The following SCAPER variants were observed in gnomAD, a reference collection of about 807,000 sequenced individuals.
The protein encoded by SCAPER is S-phase cyclin A associated protein in the ER.
In SCAPER, 98 loss-of-function variants were observed where a neutral mutation model predicts 182.2. That is an observed-to-expected ratio of 0.54 (90% CI 0.46 to 0.64). The LOEUF (loss-of-function observed/expected upper bound fraction) is 0.64. SCAPER is among the 30% of genes least tolerant of loss of function. The probability of loss-of-function intolerance (pLI) is 0.00; values close to 1 mark genes in which losing one functional copy is unlikely to be tolerated. For missense variants in SCAPER, 1,432 were observed against 1,690.0 expected (o/e 0.85, Z 2.68); for synonymous variants, 605 against 564.6 (o/e 1.07, Z -1.01).
intron 25 of SCAPER, among the ~76,000 whole-genome samples, chr15:76,467,780 G>A (rs2049805071): frequency 6.6e-6 from 1 of 152,102 alleles, no homozygotes; most frequent in Non-Finnish European, 1.5e-5. Flanking sequence ...TGCTTCTAGA[G>A]TGATGGAACT....
chr15:76,784,407 T>C (rs10851890), intron 8 of SCAPER, among the ~76,000 whole-genome samples: 124,374 of 152,138 alleles, frequency 0.82, 51,601 homozygotes, highest in Middle Eastern at 0.91. Flanking sequence ...AATGGAAGAA[T>C]ATTCCATGCT....
chr15:76,648,320 A>G (rs1251849384), intron 21 of SCAPER, among the ~76,000 whole-genome samples: 1 of 152,142 alleles, frequency 6.6e-6, no homozygotes, highest in Non-Finnish European at 1.5e-5. Flanking sequence ...GAGACACAGT[A>G]GAAAAAAAAG....
chr15:76,770,901 T>C (rs2063430098), intron 10 of SCAPER, among the ~76,000 whole-genome samples: 1 of 152,138 alleles, frequency 6.6e-6, no homozygotes, highest in Non-Finnish European at 1.5e-5. Flanking sequence ...CATTTGTTTT[T>C]TGTATTACTA....
intron 24 of SCAPER, among the ~76,000 whole-genome samples, chr15:76,499,179 A>T (rs2040874559): frequency 6.6e-6 from 1 of 152,228 alleles, no homozygotes; most frequent in South Asian, 2.1e-4. Flanking sequence ...GGAAGTTTAA[A>T]GATAGACTAA....
Position 76,354,198 on chromosome 15 carries a change from C to T in SCAPER, c.3856-58G>A, listed in dbSNP as rs1180462504. 6.6e-7 allele frequency: 1 copy of T among 1,518,092 alleles called. No homozygotes were observed. Among genetic ancestry groups the T allele is most frequent in the East Asian group, 2.4e-5 (1 of 41,066 alleles). The allele number at this position is 1,518,092 out of a possible 1,614,324, so 94.0% of individuals were successfully genotyped here. On this transcript the variant is annotated intron_variant, in intron 29 of 31. Transcript: ENST00000563290. This position sits in a 1 kb window ranked among gnomAD's most constrained non-coding sequence, Gnocchi z 4.4. Reference sequence around the variant, plus strand: ...GAAACGCCCCAGCCTGTCCCTCACCCACCTGCACAGTGTCGGCTAGTACCA... The same window carrying T: ...GAAACGCCCCAGCCTGTCCCTCACCTACCTGCACAGTGTCGGCTAGTACCA...
At chr15:76,786,472 A>G (rs1193926065) in intron 8 of SCAPER, among the ~76,000 whole-genome samples, 1 of 152,208 alleles carries the variant, frequency 6.6e-6, no homozygotes, top group Non-Finnish European at 1.5e-5. Context: ...GCATTAAATC[A>G]TAATAGATGG....
At position 76,787,440 on chromosome 15, in the gene SCAPER, G is replaced by A. The variant is rs201465838; in HGVS notation, c.772+7840C>T. Among the ~76,000 whole-genome samples, 8 of 152,046 alleles carry A rather than the reference G, an allele frequency of 5.3e-5. No homozygotes were observed. The East Asian group carries it at 1.4e-3, about 26-fold the overall frequency. On this transcript the variant is annotated intron_variant, in intron 8 of 31. Coordinates refer to ENST00000563290, the MANE Select transcript of SCAPER (RefSeq NM_020843.4). The stretch of plus-strand genomic sequence containing the variant: ...CACTCTCTCCCCAAGGCTGGAATGC[G>A]GCGATCCTCCAGAGCAGCTGGGACC...
intron 1 of SCAPER, among the ~76,000 whole-genome samples, chr15:76,904,145 C>T (rs751486530): frequency 1.5e-4 from 23 of 152,054 alleles, no homozygotes; most frequent in Non-Finnish European, 2.6e-4. Context: ...CCAGTATAGG[C>T]CAGAGTGGGA....
At chr15:76,561,014 T>C (rs1490863298) in intron 23 of SCAPER, among the ~76,000 whole-genome samples, 1 of 152,024 alleles carries the variant, frequency 6.6e-6, no homozygotes, top group Non-Finnish European at 1.5e-5. Context: ...CACGGGCAAT[T>C]TCTCTCATTT....
intron 9 of SCAPER, among the ~76,000 whole-genome samples, chr15:76,772,696 G>T (rs1244002764): frequency 6.6e-6 from 1 of 151,874 alleles, no homozygotes; most frequent in Non-Finnish European, 1.5e-5. Context: ...AGCAAACAGT[G>T]GCTTAGGCTA....
At chr15:76,666,306 A>G (rs2056574027) in intron 20 of SCAPER, among the ~76,000 whole-genome samples, 1 of 152,198 alleles carries the variant, frequency 6.6e-6, no homozygotes, top group Non-Finnish European at 1.5e-5. Flanking sequence ...GGAAGGAAAA[A>G]GAAGGTCATC....
At chr15:76,538,237 A>C (rs2044371813) in intron 23 of SCAPER, among the ~76,000 whole-genome samples, 1 of 148,626 alleles carries the variant, frequency 6.7e-6, no homozygotes, top group Admixed American at 6.8e-5. Flanking sequence ...AAGGACTATA[A>C]ATCATGCTGC....
chr15:76,627,193 A>G (rs1413645795), intron 21 of SCAPER, among the ~76,000 whole-genome samples: 2 of 152,042 alleles, frequency 1.3e-5, no homozygotes, highest in Non-Finnish European at 2.9e-5. Context: ...TTTATTTTTT[A>G]TTAGCTGTTT....
chr15:76,815,002 T>C (rs1006369971), intron 5 of SCAPER, among the ~76,000 whole-genome samples: 1 of 151,338 alleles, frequency 6.6e-6, no homozygotes, highest in African/African-American at 2.4e-5. Flanking sequence ...CTAATAAGCA[T>C]AAGAAAAAGT....
chr15:76,833,284 A>C (rs576641395), intron 5 of SCAPER, among the ~76,000 whole-genome samples: 2 of 152,364 alleles, frequency 1.3e-5, no homozygotes, highest in East Asian at 3.9e-4. Context: ...ACTAAGCTTC[A>C]TAAGCAAAGG....
intron 22 of SCAPER, among the ~76,000 whole-genome samples, chr15:76,619,803 C>T (rs898834164): frequency 3.9e-5 from 6 of 152,088 alleles, no homozygotes; most frequent in African/African-American, 1.4e-4. Flanking sequence ...AAAGGTCGGG[C>T]ACGATGGCTC....
intron 8 of SCAPER, among the ~76,000 whole-genome samples, chr15:76,777,777 G>C (rs1386326376): frequency 1.3e-5 from 2 of 152,080 alleles, no homozygotes. Context: ...TAAAAATGGA[G>C]GTAAATACAA....
At chr15:76,878,064 T>C (rs1001198492) in intron 2 of SCAPER, among the ~76,000 whole-genome samples, 6 of 152,236 alleles carry the variant, frequency 3.9e-5, no homozygotes, top group Admixed American at 6.5e-5. Flanking sequence ...TGTGTGCAGG[T>C]AGATATGTGT....
intron 21 of SCAPER, among the ~76,000 whole-genome samples, chr15:76,645,994 C>G (rs916231954): frequency 1.3e-5 from 2 of 152,162 alleles, no homozygotes; most frequent in Non-Finnish European, 2.9e-5. Flanking sequence ...CACGGTCAGG[C>G]TCTCTGGTCA....
Sources: gnomAD v4.1 joint callset for allele counts (sites outside exome capture counted in the v4.1 genomes callset) on GRCh38, gnomAD v4.1.1 for gene constraint, Gnocchi (gnomAD v3.1) non-coding constraint, MANE v1.5 for transcripts, NCBI Gene and HGNC (gene_info 2026-07-23, HGNC 2026-07-21) for gene names.